Variants in OGFOD1 observed in about 807,000 individuals in gnomAD.
OGFOD1 encodes 2-oxoglutarate and iron dependent oxygenase domain containing 1, also known as prolyl 3-hydroxylase OGFOD1.
OGFOD1 carries 54 observed loss-of-function variants against 67.7 expected under a neutral mutation model. The observed-to-expected ratio is 0.80, with a 90% CI of 0.64 to 1.00. The LOEUF (loss-of-function observed/expected upper bound fraction) is 1.00, where lower values mean the gene tolerates loss of function less well. OGFOD1 is among the 50% of genes least tolerant of loss of function. The probability of loss-of-function intolerance (pLI) is 0.00; values close to 1 mark genes in which losing one functional copy is unlikely to be tolerated. For missense variants in OGFOD1, 606 were observed against 646.7 expected (o/e 0.94, Z 0.68); for synonymous variants, 221 against 227.0 (o/e 0.97, Z 0.24).
In OGFOD1 at chr16:56,474,891, T is replaced by C; in HGVS notation, c.1349T>C (p.Ile450Thr). 1 of 1,613,718 alleles carries C rather than the reference T, an allele frequency of 6.2e-7. No homozygotes were observed. Among genetic ancestry groups the C allele is most frequent in the Non-Finnish European group, 8.5e-7 (1 of 1,179,648 alleles). ...RHWKTGHYTLIHDHSKAEFAL... is the reference protein window; with the variant it reads ...RHWKTGHYTLTHDHSKAEFAL... ...TGGAAGACCGGTCACTACACTTTAATTCATGACCATAGCAAGGCTGAATTT... is the reference window on the plus strand; with the variant it reads ...TGGAAGACCGGTCACTACACTTTAACTCATGACCATAGCAAGGCTGAATTT... The change falls in exon 11 of 13, where the codon ATT becomes ACT. Residue 450 changes from isoleucine (I) to threonine (T), a missense_variant. Transcript: ENST00000566157.
chr16:56,458,642 G>T (rs757676763), intron 3 of OGFOD1, 48 bp downstream of exon 3: 1 of 1,439,888 alleles, frequency 6.9e-7, no homozygotes, highest in South Asian at 1.1e-5. Context: ...GCCAGGCAGA[G>T]TAGTAAGTGC....
rs532703011 is a variant in OGFOD1, at chr16:56,470,521, G to C, written c.1015G>C (p.Glu339Gln). ...GAAAGCTGAGGAGAGTAAGCTTCCTGAGATATTGAAGGAGTGCATGAAGTT... is the reference window on the plus strand; with the variant it reads ...GAAAGCTGAGGAGAGTAAGCTTCCTCAGATATTGAAGGAGTGCATGAAGTT... ...YEKAEESKLP[E>Q]ILKECMKLFR... The change falls in exon 10 of 13, where the codon GAG (glutamate) becomes CAG (glutamine). Residue 339 changes from glutamate to glutamine, a missense_variant. Transcript: ENST00000566157. 3.1e-6 allele frequency: 5 copies of C among 1,613,512 alleles called. No individual in the cohort carries two copies. The South Asian group carries it at 3.3e-5, about 11-fold the overall frequency.
At position 56,467,894 on chromosome 16, in the gene OGFOD1, C is replaced by T. The variant is rs2288055; in HGVS notation, c.787-11C>T. 0.14 allele frequency: 193,351 copies of T among 1,371,152 alleles called. 14,310 individuals are homozygous for T. The highest frequency in any genetic ancestry group is 0.21 in the East Asian group (9,286 of 43,760). 84.9% of individuals were successfully genotyped at this position (1,371,152 alleles called of 1,614,324 possible). A position where few individuals can be genotyped will look rare whatever the true frequency, so the allele number is the denominator to read the frequency against. On this transcript the variant is annotated splice_polypyrimidine_tract_variant and intron_variant, in intron 7 of 12. Transcript: ENST00000566157. ...TTAACTCACATTTTGCATCTGCTGC[C>T]TCTTCGTAAGCATGAGATTTTGTAT...
chr16:56,467,430 CTTT>C (rs375009247), intron 7 of OGFOD1, 137 bp downstream of exon 7: 1,065 of 748,558 alleles, frequency 1.4e-3, no homozygotes, highest in Middle Eastern at 2.2e-3. Context: ...TTTTTTCTTC[CTTT>C]TTTTTTTTTT....
intron 7 of OGFOD1, 136 bp from the exon 8 acceptor site, chr16:56,467,769 C>T (rs1962967608): frequency 3.0e-6 from 2 of 660,232 alleles, no homozygotes; most frequent in Non-Finnish European, 5.4e-6. Context: ...CTTTCTCAAG[C>T]AGAGTTTTCC....
chr16:56,465,493 C>T (rs1303204989), intron 4 of OGFOD1: 3 of 152,200 alleles, frequency 2.0e-5, no homozygotes, highest in African/African-American at 7.2e-5. Context: ...ACAATCCCTC[C>T]ATGTGTAATT....
Position 56,474,834 on chromosome 16 carries a change from G to A in OGFOD1, c.1292G>A (p.Ser431Asn). Residue 431 changes from serine to asparagine, a missense_variant, in exon 11 of 13, where the codon AGT (serine) becomes AAT (asparagine). Coordinates refer to ENST00000566157, the MANE Select transcript of OGFOD1 (RefSeq NM_018233.4). ...TCTTTTTTTTTTTCCTTAGAATCAA[G>A]TGTTCCCATGTGCCAAGGGGAACTG... The part of the protein sequence containing the change: ...PEENETKKES[S>N]VPMCQGELRH... 1 of 1,598,032 alleles carries A rather than the reference G, an allele frequency of 6.3e-7. No individual in the cohort carries two copies. The highest frequency in any genetic ancestry group is 1.4e-5 in the African/African-American group (1 of 73,430).
chr16:56,478,878 T>C lies in OGFOD1; in HGVS notation c.*2673T>C, dbSNP rs1200191270. On this transcript the variant is annotated 3_prime_UTR_variant, in exon 13 of 13. Transcript: ENST00000566157. The stretch of plus-strand genomic sequence containing the variant: ...TTACATCATCTACAGCAGCACCTCT[T>C]AGATTGTGAAGGATGGTGTAACTTA... 1 of 152,174 alleles carries C rather than the reference T, an allele frequency of 6.6e-6. No homozygotes were observed. The highest frequency in any genetic ancestry group is 1.5e-5 in the Non-Finnish European group (1 of 68,018). 9.4% of individuals were successfully genotyped at this position (152,174 alleles called of 1,614,324 possible).
chr16:56,458,461 A>G, intron 2 of OGFOD1, 87 bp from the exon 3 acceptor site: 1 of 1,188,902 alleles, frequency 8.4e-7, no homozygotes. Context: ...TGACAATGCT[A>G]GGACCAGAAC....
intron 2 of OGFOD1, chr16:56,454,725 G>T: frequency 2.4e-6 from 1 of 412,058 alleles, no homozygotes; most frequent in Admixed American, 3.0e-5. Context: ...ATTTTATCTG[G>T]GATAAGAGAG....
At chr16:56,470,395 AAG>A in intron 9 of OGFOD1, 90 bp from the exon 10 acceptor site, 1 of 1,179,128 alleles carries the variant, frequency 8.5e-7, no homozygotes, top group Non-Finnish European at 1.2e-6. Flanking sequence ...AAGATTTAGG[AAG>A]AGAGGTACAA....
intron 4 of OGFOD1, 21 bp from the exon 5 acceptor site, chr16:56,466,131 G>A (rs751003426): frequency 1.3e-6 from 2 of 1,567,066 alleles, no homozygotes; most frequent in South Asian, 1.1e-5. Flanking sequence ...GGGATCTAAG[G>A]TGTCCATTAA....
chr16:56,470,209 A>T, intron 9 of OGFOD1, 127 bp downstream of exon 9: 1 of 819,020 alleles, frequency 1.2e-6, no homozygotes, highest in Non-Finnish European at 1.9e-6. Flanking sequence ...TTCATGAAAG[A>T]AAATCAAATA....
chr16:56,456,048 G>T (rs79197051), intron 2 of OGFOD1, among the ~76,000 whole-genome samples: 1 of 152,098 alleles, frequency 6.6e-6, no homozygotes, highest in Non-Finnish European at 1.5e-5. Flanking sequence ...TCAGGCTTTC[G>T]CTTGTACTAC....
chr16:56,452,999 AAAAAG>A (rs1195087929), intron 1 of OGFOD1, among the ~76,000 whole-genome samples: 22 of 152,190 alleles, frequency 1.4e-4, no homozygotes, highest in Non-Finnish European at 2.2e-4. Flanking sequence ...AACACATAAA[AAAAAG>A]AGTAGGAACC....
Position 56,476,035 on chromosome 16 carries a change from C to G in OGFOD1, c.1468-9C>G, listed in dbSNP as rs748830413. 1.2e-6 allele frequency: 2 copies of G among 1,605,598 alleles called. No homozygotes were observed. Among genetic ancestry groups the G allele is most frequent in the African/African-American group, 1.3e-5 (1 of 74,262 alleles). ...TGTTCTGATGTGTCACTGTATTTGTCTTTTTCAGCTGCTAACAGTGAATCC... is the reference window on the plus strand; with the variant it reads ...TGTTCTGATGTGTCACTGTATTTGTGTTTTTCAGCTGCTAACAGTGAATCC... On this transcript the variant is annotated splice_polypyrimidine_tract_variant and intron_variant, in intron 12 of 12. Transcript: ENST00000566157.
intron 10 of OGFOD1, among the ~76,000 whole-genome samples, chr16:56,474,296 T>C (rs1020250084): frequency 2.6e-5 from 4 of 151,466 alleles, no homozygotes; most frequent in Non-Finnish European, 5.9e-5. Flanking sequence ...TTTATTATTA[T>C]AGAGAGAAAT....
At chr16:56,453,441 G>A (rs1414091126) in intron 2 of OGFOD1, 33 bp downstream of exon 2, 1 of 1,596,616 alleles carries the variant, frequency 6.3e-7, no homozygotes, top group East Asian at 2.2e-5. Flanking sequence ...AACTCTTCCA[G>A]CTTGGAAATT....
intron 1 of OGFOD1, 129 bp from the exon 2 acceptor site, chr16:56,453,134 A>G: frequency 2.2e-6 from 2 of 895,816 alleles, no homozygotes; most frequent in East Asian, 2.6e-5. Context: ...TTTTCCCCAA[A>G]TCTTAGACTT....
Sources: gnomAD v4.1 joint callset for allele counts (sites outside exome capture counted in the v4.1 genomes callset) on GRCh38, gnomAD v4.1.1 for gene constraint, MANE v1.5 for transcripts, NCBI Gene and HGNC (gene_info 2026-07-23, HGNC 2026-07-21) for gene names.